CCDC171: variants seen among roughly 807,000 people sequenced by gnomAD.
CCDC171 encodes coiled-coil domain containing 171, also known as coiled-coil domain-containing protein 171.
CCDC171 carries 177 observed loss-of-function variants against 168.2 expected under a neutral mutation model. The observed-to-expected ratio is 1.05, with a 90% CI of 0.93 to 1.19. The LOEUF is 1.19. Among genes scored for constraint, CCDC171 ranks in the 50% most tolerant of loss-of-function variants. The pLI, the probability that CCDC171 is intolerant of heterozygous loss-of-function variation, is 0.00. For missense variants in CCDC171, 1,991 were observed against 1,539.0 expected (o/e 1.29, Z -4.91); for synonymous variants, 687 against 540.8 (o/e 1.27, Z -3.75).
intron 6 of CCDC171, among the ~76,000 whole-genome samples, chr9:15,616,907 G>T (rs761894163): frequency 6.6e-6 from 1 of 152,180 alleles, no homozygotes; most frequent in Non-Finnish European, 1.5e-5. Flanking sequence ...AAAGGAAAGA[G>T]ATTTAATTAA....
intron 3 of CCDC171, among the ~76,000 whole-genome samples, chr9:15,999,029 G>C (rs906212024): frequency 2.6e-5 from 4 of 151,988 alleles, no homozygotes; most frequent in Non-Finnish European, 5.9e-5. Context: ...CTATCATTCA[G>C]AGAGACCAGC....
At chr9:15,623,479 A>ACACACACC in intron 7 of CCDC171, 66 bp downstream of exon 7, 1 of 399,542 alleles carries the variant, frequency 2.5e-6, no homozygotes. Flanking sequence ...GCGCGCGCAC[A>ACACACACC]CACACACACA....
At chr9:15,860,323 C>G (rs1189477911) in intron 23 of CCDC171, among the ~76,000 whole-genome samples, 4 of 149,940 alleles carry the variant, frequency 2.7e-5, no homozygotes, top group Middle Eastern at 3.5e-3. Flanking sequence ...TTAGTTTGTT[C>G]TTCTTCTCGT....
At chr9:15,627,250 A>G (rs950827376) in intron 7 of CCDC171, among the ~76,000 whole-genome samples, 1 of 150,752 alleles carries the variant, frequency 6.6e-6, no homozygotes, top group Non-Finnish European at 1.5e-5. Flanking sequence ...AATTTTGTTG[A>G]TCTTTTCAAA....
chr9:16,033,885 C>G (rs1173754269), intron 6 of CCDC171, among the ~76,000 whole-genome samples: 2 of 152,154 alleles, frequency 1.3e-5, no homozygotes, highest in Admixed American at 1.3e-4. Context: ...GCCCCAAGGG[C>G]AGGTGTGCCT....
chr9:15,562,857 G>A (rs553316000), intron 1 of CCDC171, among the ~76,000 whole-genome samples: 14 of 151,578 alleles, frequency 9.2e-5, no homozygotes, highest in South Asian at 4.2e-4. Flanking sequence ...CTTCAGGAGC[G>A]TGGTGATAAT....
chr9:15,772,471 C>G (rs2057065725), intron 18 of CCDC171, among the ~76,000 whole-genome samples: 1 of 152,080 alleles, frequency 6.6e-6, no homozygotes, highest in Non-Finnish European at 1.5e-5. Flanking sequence ...TGTCTATATT[C>G]ACGTTTCTCA....
chr9:16,066,623 C>G (rs1329945692), downstream of CCDC171, among the ~76,000 whole-genome samples: 2 of 127,880 alleles, frequency 1.6e-5, no homozygotes, highest in Non-Finnish European at 3.2e-5. Context: ...CCCCCCACCC[C>G]ACAACAGTCC....
intron 25 of CCDC171, among the ~76,000 whole-genome samples, chr9:15,925,878 A>T (rs999793896): frequency 6.6e-6 from 1 of 151,442 alleles, no homozygotes; most frequent in East Asian, 1.9e-4. Context: ...TTCCTTTGGA[A>T]CTCACACGTC....
At chr9:16,070,899 G>A in the CCDC171 span, among the ~76,000 whole-genome samples, 4 of 152,148 alleles carry the variant, frequency 2.6e-5, no homozygotes, top group Non-Finnish European at 5.9e-5. Flanking sequence ...GTTAGTGTAG[G>A]TTTGGATGGG....
intron 21 of CCDC171, among the ~76,000 whole-genome samples, chr9:15,826,332 T>C (rs1260443301): frequency 6.6e-6 from 1 of 151,976 alleles, no homozygotes; most frequent in African/African-American, 2.4e-5. Flanking sequence ...GATCCTTTTT[T>C]TTTATGCTGA....
chr9:16,011,124 C>T (rs536396124), intron 3 of CCDC171, among the ~76,000 whole-genome samples: 2 of 152,270 alleles, frequency 1.3e-5, no homozygotes, highest in Non-Finnish European at 2.9e-5. Flanking sequence ...AACACATGCC[C>T]CTTTTCCCTT....
chr9:15,858,239 C>G (rs1381065646), intron 23 of CCDC171, among the ~76,000 whole-genome samples: 5 of 151,820 alleles, frequency 3.3e-5, no homozygotes, highest in African/African-American at 4.8e-5. Context: ...AGGCTGGTCT[C>G]AAACTCCTGA....
At chr9:15,611,511 C>T (rs146966751) in intron 6 of CCDC171, among the ~76,000 whole-genome samples, 1 of 152,176 alleles carries the variant, frequency 6.6e-6, no homozygotes, top group Non-Finnish European at 1.5e-5. Context: ...ATCTTTCCGT[C>T]TCCTCCTTAT....
At chr9:16,037,137 A>C (rs1833485993) in intron 8 of CCDC171, among the ~76,000 whole-genome samples, 1 of 152,236 alleles carries the variant, frequency 6.6e-6, no homozygotes, top group Middle Eastern at 3.2e-3. Context: ...TAGCTAGAAG[A>C]GAGGATTTTG....
intron 2 of CCDC171, among the ~76,000 whole-genome samples, chr9:15,570,200 G>T (rs2040110487): frequency 6.6e-6 from 1 of 151,912 alleles, no homozygotes; most frequent in Admixed American, 6.6e-5. Context: ...TGAACTCCTG[G>T]CCTCAAGTGA....
chr9:16,022,344 A>G (rs1564123828), exon 5 of CCDC171: 1 of 152,258 alleles, frequency 6.6e-6, no homozygotes, highest in Admixed American at 6.5e-5. Flanking sequence ...TGGTATTATC[A>G]TGCTAATGTC....
chr9:16,067,314 T>G, the CCDC171 span, among the ~76,000 whole-genome samples: 1 of 151,852 alleles, frequency 6.6e-6, no homozygotes. Context: ...GGGTTGTTTG[T>G]TTTTTTCTTG....
rs188811906 is a variant in CCDC171, at chr9:15,774,221, G to A, written c.2672-3379G>A. ...AGATCTCATCATTGCACTCCAGCCT[G>A]GGTGACAGAGCAAGACGCTGTCTTT... On this transcript the variant is annotated intron_variant, in intron 18 of 25. Coordinates refer to ENST00000380701, the MANE Select transcript of CCDC171 (RefSeq NM_173550.4). 4.5e-4 allele frequency among the ~76,000 whole-genome samples: 60 copies of A among 132,500 alleles called. No homozygotes were observed. In the Admixed American group the frequency reaches 4.9e-3, roughly 11 times the overall value. The allele number at this position is 132,500 out of a possible 152,430, so 86.9% of individuals were successfully genotyped here. A position where few individuals can be genotyped will look rare whatever the true frequency, so the allele number is the denominator to read the frequency against.
Sources: allele counts gnomAD v4.1 joint callset (sites outside exome capture counted in the v4.1 genomes callset), GRCh38; gene constraint gnomAD v4.1.1; transcripts MANE v1.5; gene names NCBI Gene and HGNC (gene_info 2026-07-23, HGNC 2026-07-21).